PCYT2: variants seen among roughly 807,000 people sequenced by gnomAD.
PCYT2 encodes ethanolamine-phosphate cytidylyltransferase.
A neutral mutation model predicts 50.0 loss-of-function variants in PCYT2; 33 were observed. The ratio of observed to expected loss-of-function variants is 0.66; its 90% confidence interval spans 0.50 to 0.88. The LOEUF is 0.88. Among genes scored for constraint, PCYT2 ranks in the 40% least tolerant of loss-of-function variants. PCYT2 has a pLI of 0.00. For missense variants in PCYT2, 430 were observed against 519.7 expected (o/e 0.83, Z 1.68); for synonymous variants, 240 against 203.7 (o/e 1.18, Z -1.52).
In PCYT2 at chr17:81,901,840, GAATACCCCTTAGGGTGGTAGA is replaced by G. The variant is rs2039964536; in HGVS notation, c.*2972_*2992del. The G allele has an allele frequency of 6.5e-6, 1 of 154,656 alleles. No individual in the cohort carries two copies. Among genetic ancestry groups the G allele is most frequent in the South Asian group, 2.1e-4 (1 of 4,864 alleles). The allele number at this position is 154,656 out of a possible 1,614,324, so 9.6% of individuals were successfully genotyped here. ...CATGGACTCTGATGCCTGGAGCCAA[GAATACCCCTTAGGGTGGTAGA>G]AACCGCCCCCGGGGCACTGTGCAGT... On this transcript the variant is annotated 3_prime_UTR_variant, in exon 13 of 13. Transcript: ENST00000538936.
In PCYT2 at chr17:81,904,728, C is replaced by T. The variant is rs2230474; in HGVS notation, c.*105G>A. ...GGAGGCAGAGTCCTCACCAGCCCTT[C>T]CAGAGCCAGGCCAGTTAGAGAGGGC... is the stretch of plus-strand genomic sequence containing the variant. On this transcript the variant is annotated 3_prime_UTR_variant, in exon 13 of 13. Transcript: ENST00000538936. The T allele has an allele frequency of 2.7e-6, 2 of 738,256 alleles. No individual in the cohort carries two copies. The highest frequency in any genetic ancestry group is 1.8e-5 in the African/African-American group (1 of 56,788). 45.7% of individuals were successfully genotyped at this position (738,256 alleles called of 1,614,324 possible). A position where few individuals can be genotyped will look rare whatever the true frequency, so the allele number is the denominator to read the frequency against.
intron 1 of PCYT2, among the ~76,000 whole-genome samples, chr17:81,910,704 G>A (rs955876374): frequency 6.6e-6 from 1 of 152,244 alleles, no homozygotes; most frequent in Non-Finnish European, 1.5e-5. Flanking sequence ...CGGCAGGCAC[G>A]TGAAAGGGTC....
intron 1 of PCYT2, among the ~76,000 whole-genome samples, chr17:81,910,116 T>C (rs976734567): frequency 6.6e-6 from 1 of 152,246 alleles, no homozygotes; most frequent in East Asian, 1.9e-4. Context: ...TCTCCTCCCT[T>C]ACGGCCTCAA....
rs896370431 is a variant in PCYT2 at position 81,902,174 on chromosome 17, G to C, written c.*2659C>G. 7.9e-5 allele frequency: 60 copies of C among 762,320 alleles called. No homozygotes were observed. Among genetic ancestry groups the C allele is most frequent in the Non-Finnish European group, 9.9e-5 (57 of 573,816 alleles). The allele number at this position is 762,320 out of a possible 1,614,324, so 47.2% of individuals were successfully genotyped here. A position where few individuals can be genotyped will look rare whatever the true frequency, so the allele number is the denominator to read the frequency against. On this transcript the variant is annotated 3_prime_UTR_variant, in exon 13 of 13. Transcript: ENST00000538936. ...CCCCAGCCCGCCCGCCGCCCCTCCCGGCCCTCCGCAGCCTCGGCCCGCCCT... is the reference window on the plus strand; with the variant it reads ...CCCCAGCCCGCCCGCCGCCCCTCCCCGCCCTCCGCAGCCTCGGCCCGCCCT...
chr17:81,910,984 G>A, intron 1 of PCYT2: 1 of 992,448 alleles, frequency 1.0e-6, no homozygotes. Context: ...GGAGAAGCAG[G>A]GAGGCCGTGG....
At chr17:81,909,652 G>A in intron 1 of PCYT2, 50 bp from the exon 2 acceptor site, 1 of 1,430,082 alleles carries the variant, frequency 7.0e-7, no homozygotes, top group Non-Finnish European at 9.9e-7. Context: ...GTGGGGACCA[G>A]GTGTCCCTGT....
chr17:81,909,482 G>T (rs748924249), intron 2 of PCYT2, 32 bp downstream of exon 2: 152 of 1,586,458 alleles, frequency 9.6e-5, no homozygotes, highest in Non-Finnish European at 1.2e-4. Context: ...AGGGCTGGGG[G>T]GCCGCGGGTG....
intron 1 of PCYT2, among the ~76,000 whole-genome samples, chr17:81,910,507 G>T (rs1009736897): frequency 6.6e-6 from 1 of 152,196 alleles, no homozygotes; most frequent in Admixed American, 6.5e-5. Flanking sequence ...GGGAGGAGGG[G>T]GCAGAGGCTG....
chr17:81,902,084 C>T lies in PCYT2; in HGVS notation c.*2749G>A, dbSNP rs777136579. On this transcript the variant is annotated 3_prime_UTR_variant, in exon 13 of 13. Coordinates refer to ENST00000538936, the MANE Select transcript of PCYT2 (RefSeq NM_002861.5). ...CAGATCCTTGCGCGCCTCCAGCGCT[C>T]GCCCGCGCGGCTGGTTCCTTTGGGA... is the stretch of plus-strand genomic sequence containing the variant. 192 of 377,088 alleles carry T rather than the reference C, an allele frequency of 5.1e-4. 1 individual carries two copies. The Middle Eastern group carries it at 0.014, about 27-fold the overall frequency. 23.4% of individuals were successfully genotyped at this position (377,088 alleles called of 1,614,324 possible).
chr17:81,907,299 C>T, intron 6 of PCYT2: 1 of 1,485,542 alleles, frequency 6.7e-7, no homozygotes, highest in Non-Finnish European at 9.0e-7. Context: ...TTAGAGGCCA[C>T]CTGTCCACAG....
Position 81,904,926 on chromosome 17 carries a change from T to C in PCYT2, c.1077A>G (p.Arg359=), listed in dbSNP as rs547048391. The C allele has an allele frequency of 6.2e-7, 1 of 1,610,452 alleles. No homozygotes were observed. The highest frequency in any genetic ancestry group is 1.1e-5 in the South Asian group (1 of 90,834). The part of the protein sequence containing the change: ...IITNRLEYEA[R]NQKKEAKELA... Reference sequence around the variant, plus strand: ...GCTCCTTGGCTTCCTTCTTCTGGTTTCGCGCCTCATACTCCAACCTGAGAG... The same window carrying C: ...GCTCCTTGGCTTCCTTCTTCTGGTTCCGCGCCTCATACTCCAACCTGAGAG... The change falls in exon 13 of 13, where the codon CGA becomes CGG. Residue 359 remains arginine (R), a synonymous_variant. Transcript: ENST00000538936.
At position 81,901,326 on chromosome 17, in the gene PCYT2, G is replaced by A. The variant is rs898945009; in HGVS notation, c.*3507C>T. The A allele has an allele frequency of 6.6e-6, 1 of 152,218 alleles. No homozygotes were observed. 9.4% of individuals were successfully genotyped at this position (152,218 alleles called of 1,614,324 possible). ...TTAGGTGGTGCCCACCTGGATTGAG[G>A]GTGGGTCTGCCTCTCCCAGCCCACT... On this transcript the variant is annotated 3_prime_UTR_variant, in exon 13 of 13. Transcript: ENST00000538936.
At chr17:81,909,338 A>C in intron 2 of PCYT2, 176 bp downstream of exon 2, 1 of 1,433,234 alleles carries the variant, frequency 7.0e-7, no homozygotes, top group South Asian at 1.4e-5. Context: ...CAGGAAATGC[A>C]AGATGGGAAA....
Position 81,904,794 on chromosome 17 carries a change from A to G in PCYT2, c.*39T>C, listed in dbSNP as rs1598315232. 1.4e-6 allele frequency: 2 copies of G among 1,385,418 alleles called. No homozygotes were observed. Among genetic ancestry groups the G allele is most frequent in the South Asian group, 1.2e-5 (1 of 83,864 alleles). The allele number at this position is 1,385,418 out of a possible 1,614,324, so 85.8% of individuals were successfully genotyped here. A position where few individuals can be genotyped will look rare whatever the true frequency, so the allele number is the denominator to read the frequency against. ...TATGTCCAAACGCAGAAGGCGCAGAAGCAGAGCAGGGGGAGGGCCGGCCAG... is the reference window on the plus strand; with the variant it reads ...TATGTCCAAACGCAGAAGGCGCAGAGGCAGAGCAGGGGGAGGGCCGGCCAG... On this transcript the variant is annotated 3_prime_UTR_variant, in exon 13 of 13. Transcript: ENST00000538936.
chr17:81,908,193 T>C (rs957531332), intron 4 of PCYT2, among the ~76,000 whole-genome samples: 1 of 152,164 alleles, frequency 6.6e-6, no homozygotes, highest in Non-Finnish European at 1.5e-5. Flanking sequence ...GCTGAGCATC[T>C]GCAGCTGAGT....
intron 6 of PCYT2, chr17:81,907,236 C>T (rs942921418): frequency 7.8e-6 from 12 of 1,534,214 alleles, no homozygotes; most frequent in Middle Eastern, 1.7e-4. Flanking sequence ...AGTATGTCCC[C>T]GGCGGGTATC....
chr17:81,908,769 A>G, intron 3 of PCYT2, 107 bp downstream of exon 3: 1 of 1,348,522 alleles, frequency 7.4e-7, no homozygotes, highest in Non-Finnish European at 1.0e-6. Context: ...GAAATGTCTC[A>G]GATCCTCAAA....
At chr17:81,909,274 T>G in intron 2 of PCYT2, 1 of 1,429,818 alleles carries the variant, frequency 7.0e-7, no homozygotes, top group Non-Finnish European at 9.1e-7. Flanking sequence ...CCTGAAGGCT[T>G]GGGAGCCTCG....
intron 10 of PCYT2, 32 bp from the exon 11 acceptor site, chr17:81,905,479 C>G: frequency 1.3e-6 from 2 of 1,555,638 alleles, no homozygotes; most frequent in South Asian, 1.2e-5. Context: ...GAGCCCTCCC[C>G]GGGGAGGCAG....
Sources: gnomAD v4.1 joint callset for allele counts (sites outside exome capture counted in the v4.1 genomes callset) on GRCh38, gnomAD v4.1.1 for gene constraint, MANE v1.5 for transcripts, NCBI Gene and HGNC (gene_info 2026-07-23, HGNC 2026-07-21) for gene names.